Variants in SERPINE2 observed in about 807,000 individuals in gnomAD.
SERPINE2 encodes glia-derived nexin.
A neutral mutation model predicts 36.3 loss-of-function variants in SERPINE2; 14 were observed. The ratio of observed to expected loss-of-function variants is 0.39; its 90% CI spans 0.25 to 0.60. The LOEUF is 0.60. Among genes scored for constraint, SERPINE2 ranks in the 20% least tolerant of loss-of-function variants. SERPINE2 has a pLI of 0.57. For missense variants in SERPINE2, 418 were observed against 499.6 expected, an observed-to-expected ratio of 0.84 and a Z score of 1.56; for synonymous variants, 192 against 191.8, an observed-to-expected ratio of 1.00 and a Z score of -0.01.
intron 4 of SERPINE2, among the ~76,000 whole-genome samples, chr2:223,989,690 T>C (rs1387612075): frequency 6.6e-6 from 1 of 152,120 alleles, no homozygotes; most frequent in Non-Finnish European, 1.5e-5. Context: ...GGTTCCTCAG[T>C]GAAACCTGAT....
At chr2:223,982,816 C>T (rs1361780205) in intron 5 of SERPINE2, 35 bp from the exon 6 acceptor site, 3 of 1,505,032 alleles carry the variant, frequency 2.0e-6, no homozygotes, top group South Asian at 2.3e-5. Context: ...AAAAAAATCA[C>T]GAGGCTATAA....
intron 4 of SERPINE2, 28 bp downstream of exon 4, chr2:223,991,775 G>A: frequency 1.2e-6 from 2 of 1,610,806 alleles, no homozygotes; most frequent in Admixed American, 1.7e-5. Flanking sequence ...GCACATCCTA[G>A]AACAGGCTTC....
intron 1 of SERPINE2, among the ~76,000 whole-genome samples, chr2:224,031,941 T>C (rs997073135): frequency 6.6e-6 from 1 of 152,104 alleles, no homozygotes; most frequent in African/African-American, 2.4e-5. Flanking sequence ...TCCTCAGTCT[T>C]TGGTTCCAGT....
chr2:224,013,268 G>A (rs748935273), intron 1 of SERPINE2, among the ~76,000 whole-genome samples: 17 of 152,180 alleles, frequency 1.1e-4, no homozygotes, highest in Non-Finnish European at 2.5e-4. Context: ...CACTGCCAAA[G>A]TGGTGCTCTC....
intron 1 of SERPINE2, among the ~76,000 whole-genome samples, chr2:224,016,223 G>C (rs1021483847): frequency 6.6e-5 from 10 of 152,226 alleles, no homozygotes; most frequent in African/African-American, 2.4e-4. Flanking sequence ...TGGTAGGTCA[G>C]GTGCAGTGGC....
At chr2:224,020,627 G>T (rs2106190932) in intron 1 of SERPINE2, among the ~76,000 whole-genome samples, 1 of 152,238 alleles carries the variant, frequency 6.6e-6, no homozygotes, top group East Asian at 1.9e-4. Flanking sequence ...TCAATTATTG[G>T]CTAAACTGCA....
intron 4 of SERPINE2, among the ~76,000 whole-genome samples, chr2:223,989,535 C>T (rs576019362): frequency 3.3e-5 from 5 of 152,294 alleles, no homozygotes; most frequent in Admixed American, 1.3e-4. Context: ...CCACAAATGG[C>T]GGTACTTTCT....
intron 7 of SERPINE2, 51 bp from the exon 8 acceptor site, chr2:223,977,678 A>ATGT: frequency 9.4e-6 from 12 of 1,276,614 alleles, no homozygotes; most frequent in Non-Finnish European, 1.4e-5. Context: ...AGACCATGTA[A>ATGT]GCATAAGGCC....
chr2:223,983,746 G>A (rs946159380), intron 5 of SERPINE2, among the ~76,000 whole-genome samples: 1 of 129,722 alleles, frequency 7.7e-6, no homozygotes. Context: ...ATGTGTGTGT[G>A]TGTGTGTGTG....
At chr2:224,002,131 C>T (rs1691202618) in intron 1 of SERPINE2, among the ~76,000 whole-genome samples, 1 of 151,912 alleles carries the variant, frequency 6.6e-6, no homozygotes. Flanking sequence ...CGTGTACCAC[C>T]ATACACGGCT....
chr2:224,036,481 T>TG (rs1391766133), intron 1 of SERPINE2, among the ~76,000 whole-genome samples: 3 of 101,322 alleles, frequency 3.0e-5, no homozygotes, highest in Admixed American at 2.4e-4. Context: ...GGGCCTGTGG[T>TG]GGGGGGCGGG....
intron 7 of SERPINE2, chr2:223,980,065 G>A (rs1460200645): frequency 2.6e-6 from 1 of 391,946 alleles, no homozygotes; most frequent in African/African-American, 2.0e-5. Context: ...CTTTATAGAA[G>A]TTTGCTGACT....
At chr2:223,980,511 C>T in intron 6 of SERPINE2, 114 bp from the exon 7 acceptor site, 1 of 829,754 alleles carries the variant, frequency 1.2e-6, no homozygotes, top group Non-Finnish European at 2.0e-6. Flanking sequence ...TTTAAAGTGT[C>T]AGAAGACATG....
At chr2:223,992,359 T>C (rs202198592) in intron 3 of SERPINE2, among the ~76,000 whole-genome samples, 1 of 117,404 alleles carries the variant, frequency 8.5e-6, no homozygotes, top group Non-Finnish European at 1.8e-5. Context: ...TCTTCTTCTT[T>C]TCTTTTTTTT....
At chr2:224,008,475 G>A (rs765970277) in intron 1 of SERPINE2, among the ~76,000 whole-genome samples, 1 of 152,116 alleles carries the variant, frequency 6.6e-6, no homozygotes, top group Admixed American at 6.5e-5. Flanking sequence ...TCTATTTTCT[G>A]TATCACTATA....
At chr2:223,987,114 T>C (rs1400953418) in intron 4 of SERPINE2, among the ~76,000 whole-genome samples, 1 of 152,196 alleles carries the variant, frequency 6.6e-6, no homozygotes, top group Non-Finnish European at 1.5e-5. Context: ...GGCAAGTTCC[T>C]TGACTCCAAG....
At chr2:223,985,054 GA>G (rs1690375058) in intron 4 of SERPINE2, 104 bp from the exon 5 acceptor site, 1 of 898,212 alleles carries the variant, frequency 1.1e-6, no homozygotes, top group African/African-American at 1.7e-5. Flanking sequence ...CTCAGTTGGA[GA>G]ACTTCCCTTT....
rs1690266758 is a variant in SERPINE2, at chr2:223,982,761, G to C, written c.905C>G (p.Thr302Arg). The change falls in exon 6 of 9, where the codon ACA (threonine) becomes AGA (arginine). Residue 302 changes from threonine (T) to arginine (R), a missense_variant. Coordinates refer to ENST00000409304, the MANE Select transcript of SERPINE2 (RefSeq NM_001136528.2). ...AACTTTCAGCGGCTCCTTCAAATCTGTTTGTGCTACAGCTGTGAACCTAGC... is the reference window on the plus strand; with the variant it reads ...AACTTTCAGCGGCTCCTTCAAATCTCTTTGTGCTACAGCTGTGAACCTAGC... ...ILPKFTAVAQ[T>R]DLKEPLKVLG... The C allele has an allele frequency of 6.2e-7, 1 of 1,613,516 alleles. No homozygotes were observed. Among genetic ancestry groups the C allele is most frequent in the Non-Finnish European group, 8.5e-7 (1 of 1,179,762 alleles).
intron 1 of SERPINE2, among the ~76,000 whole-genome samples, chr2:224,004,516 T>C (rs2106168711): frequency 6.6e-6 from 1 of 152,308 alleles, no homozygotes. Flanking sequence ...CTTTGGCACC[T>C]AGGACTGGCT....
Sources: allele counts gnomAD v4.1 joint callset (sites outside exome capture counted in the v4.1 genomes callset), GRCh38; gene constraint gnomAD v4.1.1; transcripts MANE v1.5; gene names NCBI Gene and HGNC (gene_info 2026-07-23, HGNC 2026-07-21).